CLEC6A: variants seen among roughly 807,000 people sequenced by gnomAD.
CLEC6A encodes C-type lectin domain containing 6A.
Under a neutral mutation model 25.7 loss-of-function variants are expected in CLEC6A, and 22 were observed. That is an observed-to-expected ratio of 0.85 (90% CI 0.61 to 1.22). CLEC6A has a LOEUF of 1.22. Ranked by LOEUF, CLEC6A falls within the 50% of genes most tolerant of loss-of-function variation. The probability of loss-of-function intolerance (pLI) is 0.00; values close to 1 mark genes in which losing one functional copy is unlikely to be tolerated. For synonymous variants in CLEC6A, 92 were observed against 76.7 expected (o/e 1.20, Z -1.04); for missense variants, 240 against 236.8 (o/e 1.01, Z -0.09).
At chr12:8,472,568 T>C (rs1427956817) in intron 4 of CLEC6A, among the ~76,000 whole-genome samples, 1 of 152,166 alleles carries the variant, frequency 6.6e-6, no homozygotes, top group Non-Finnish European at 1.5e-5. Context: ...TCTTACCTGC[T>C]TCAATGCCAG....
chr12:8,476,006 A>G (rs1939968657), intron 4 of CLEC6A, 119 bp from the exon 5 acceptor site: 5 of 585,242 alleles, frequency 8.5e-6, no homozygotes, highest in Non-Finnish European at 1.5e-5. Context: ...CCATCATGTG[A>G]CTGCTCCTTG....
chr12:8,462,848 T>C (rs1565482364), intron 3 of CLEC6A, among the ~76,000 whole-genome samples: 2 of 152,172 alleles, frequency 1.3e-5, no homozygotes, highest in Non-Finnish European at 2.9e-5. Flanking sequence ...AAGTCTCTCG[T>C]TCCACCTAAC....
In CLEC6A at chr12:8,465,465, T is replaced by TC. The variant is rs111534742; in HGVS notation, c.224-18dup. The TC allele has an allele frequency of 2.3e-3, 3,723 of 1,613,546 alleles. 75 individuals carry two copies. In the African/African-American group the frequency reaches 0.042, roughly 18 times the overall value. ...CTTATCTTGCACTCACTCTTTTTTT[T>TC]CATGTAACACAAAAATAGCCTGGGG... On this transcript the variant is annotated intron_variant, in intron 3 of 5. Transcript: ENST00000382073.
chr12:8,462,703 G>A (rs1591706828), intron 3 of CLEC6A, among the ~76,000 whole-genome samples: 2 of 151,902 alleles, frequency 1.3e-5, no homozygotes, highest in Admixed American at 1.3e-4. Context: ...CCCCCTCTCT[G>A]AGAAACACCC....
chr12:8,459,829 C>T (rs1939729951), intron 3 of CLEC6A, 131 bp downstream of exon 3: 4 of 650,186 alleles, frequency 6.2e-6, no homozygotes, highest in South Asian at 3.6e-5. Flanking sequence ...TGGATATTTT[C>T]ATAATTTCTC....
At position 8,477,537 on chromosome 12, in the gene CLEC6A, C is replaced by G; in HGVS notation, c.*73C>G. On this transcript the variant is annotated 3_prime_UTR_variant, in exon 6 of 6. Transcript: ENST00000382073. Reference sequence around the variant, plus strand: ...TCCCTGACGTCTTTAAAATTGAACCCTATCATGAAATGATAATTTCTTCCT... The same window carrying G: ...TCCCTGACGTCTTTAAAATTGAACCGTATCATGAAATGATAATTTCTTCCT... 8.5e-7 allele frequency: 1 copy of G among 1,178,816 alleles called. No individual in the cohort carries two copies. The highest frequency in any genetic ancestry group is 1.2e-6 in the Non-Finnish European group (1 of 838,748). 73.0% of individuals were successfully genotyped at this position (1,178,816 alleles called of 1,614,324 possible).
intron 1 of CLEC6A, among the ~76,000 whole-genome samples, chr12:8,457,689 G>T (rs1324967624): frequency 6.6e-6 from 1 of 152,232 alleles, no homozygotes; most frequent in Non-Finnish European, 1.5e-5. Context: ...ATTCCAGTTG[G>T]TTGAGTGTAT....
chr12:8,461,354 G>A, intron 3 of CLEC6A: 1 of 429,936 alleles, frequency 2.3e-6, no homozygotes, highest in Non-Finnish European at 4.2e-6. Flanking sequence ...CACCTATGTG[G>A]AACACTGTTT....
chr12:8,476,123 A>C lies in CLEC6A; in HGVS notation c.370-2A>C, dbSNP rs1359434237. 1 of 1,592,872 alleles carries C rather than the reference A, an allele frequency of 6.3e-7. No homozygotes were observed. The highest frequency in any genetic ancestry group is 8.6e-7 in the Non-Finnish European group (1 of 1,165,828). On this transcript the variant is annotated splice_acceptor_variant, in intron 4 of 5. Transcript: ENST00000382073. LOFTEE classifies it high-confidence loss of function. ...TTGACTCCTTTTTTTTCCTTCATGC[A>C]GAATTTCATTGTCCAGCAGCTGAAT...
At chr12:8,475,499 C>T (rs1939962102) in intron 4 of CLEC6A, among the ~76,000 whole-genome samples, 1 of 151,880 alleles carries the variant, frequency 6.6e-6, no homozygotes, top group Non-Finnish European at 1.5e-5. Context: ...TGGTGTAGGT[C>T]CAGTTTGAGT....
chr12:8,476,191 A>G lies in CLEC6A; in HGVS notation c.436A>G (p.Asn146Asp), dbSNP rs958916546. 8 of 1,609,976 alleles carry G rather than the reference A, an allele frequency of 5.0e-6. No homozygotes were observed. In the Admixed American group the frequency reaches 5.0e-5, roughly 10 times the overall value. ...YFLGLSDPQGNNNWQWIDKTP... is the reference protein window; with the variant it reads ...YFLGLSDPQGDNNWQWIDKTP... ...TCTGGGGCTTTCAGACCCACAAGGT[A>G]ATAATAATTGGCAATGGATTGATAA... Residue 146 changes from asparagine to aspartate, a missense_variant, in exon 5 of 6, where the codon AAT (asparagine) becomes GAT (aspartate). Physicochemically the swap from Asn to Asp is conservative, Grantham distance 23. Transcript: ENST00000382073.
At chr12:8,460,152 G>A (rs998188533) in intron 3 of CLEC6A, among the ~76,000 whole-genome samples, 6 of 152,158 alleles carry the variant, frequency 3.9e-5, no homozygotes, top group African/African-American at 1.4e-4. Flanking sequence ...CTTCATATGC[G>A]GAGAGTTGGC....
intron 2 of CLEC6A, among the ~76,000 whole-genome samples, chr12:8,458,580 G>T (rs10770735): frequency 0.74 from 112,176 of 151,944 alleles, 42,102 homozygotes; most frequent in East Asian, 0.99. Context: ...TTAAAAATGG[G>T]TATTGAATAG....
At position 8,465,632 on chromosome 12, in the gene CLEC6A, ACTG is replaced by A. The variant is rs1363702552; in HGVS notation, c.369+4_369+6del. ...TGTTCAACACAGAAGCAGAGCAGGT[ACTG>A]TTTCCATTTAAAATTTATTTAATTG... On this transcript the variant is annotated splice_donor_5th_base_variant and intron_variant, in intron 4 of 5. Transcript: ENST00000382073. 1 of 1,599,516 alleles carries A rather than the reference ACTG, an allele frequency of 6.3e-7. No homozygotes were observed. Among genetic ancestry groups the A allele is most frequent in the Non-Finnish European group, 8.5e-7 (1 of 1,174,826 alleles).
chr12:8,457,883 T>C lies in CLEC6A; in HGVS notation c.32-15T>C. 1 of 1,608,932 alleles carries C rather than the reference T, an allele frequency of 6.2e-7. No homozygotes were observed. The highest frequency in any genetic ancestry group is 1.3e-5 in the African/African-American group (1 of 74,936). On this transcript the variant is annotated splice_polypyrimidine_tract_variant and intron_variant, in intron 1 of 5. Transcript: ENST00000382073. ...CCCCCTGGTAACTGCATTTGTTGTC[T>C]TCCTGATTGGACAGAGAAAAGAGGC...
chr12:8,473,250 T>C lies in CLEC6A; in HGVS notation c.370-2875T>C, dbSNP rs1355134160. Among the ~76,000 whole-genome samples the C allele has an allele frequency of 2.4e-4, 2 of 8,282 alleles. 1 individual carries two copies. Among genetic ancestry groups the C allele is most frequent in the Non-Finnish European group, 8.1e-4 (2 of 2,480 alleles). 5.4% of individuals were successfully genotyped at this position (8,282 alleles called of 152,430 possible). A position where few individuals can be genotyped will look rare whatever the true frequency, so the allele number is the denominator to read the frequency against. On this transcript the variant is annotated intron_variant, in intron 4 of 5. Transcript: ENST00000382073. ...ACCTCGTGATCCGCCCGTCTCGGCC[T>C]CCCAAAGTGCTGGGATTACAGGCGT...
chr12:8,477,280 A>G (rs762452473), intron 5 of CLEC6A, 40 bp from the exon 6 acceptor site: 82 of 1,552,176 alleles, frequency 5.3e-5, no homozygotes, highest in East Asian at 9.1e-5. Flanking sequence ...TTCACCATGC[A>G]TTCTTTGAAG....
intron 1 of CLEC6A, among the ~76,000 whole-genome samples, chr12:8,457,579 C>T (rs1048136133): frequency 6.6e-6 from 1 of 152,040 alleles, no homozygotes; most frequent in Admixed American, 6.6e-5. Context: ...AACCAAATAT[C>T]AATACAGAGA....
chr12:8,460,008 C>T (rs780657638), intron 3 of CLEC6A, among the ~76,000 whole-genome samples: 2 of 152,182 alleles, frequency 1.3e-5, no homozygotes, highest in Admixed American at 1.3e-4. Flanking sequence ...CCTCACCCTC[C>T]ATCATAAAAT....
Sources: allele counts gnomAD v4.1 joint callset (sites outside exome capture counted in the v4.1 genomes callset), GRCh38; gene constraint gnomAD v4.1.1; transcripts MANE v1.5; gene names NCBI Gene and HGNC (gene_info 2026-07-23, HGNC 2026-07-21).